Variants in PDE4D observed in about 807,000 individuals in gnomAD.
The protein encoded by PDE4D is phosphodiesterase 4D, also known as 3',5'-cyclic-AMP phosphodiesterase 4D.
A neutral mutation model predicts 87.4 loss-of-function variants in PDE4D; 24 were observed. The ratio of observed to expected loss-of-function variants is 0.27; its 90% CI spans 0.20 to 0.39. The LOEUF is 0.39. PDE4D is among the 10% of genes least tolerant of loss of function. The pLI is 1.00. For missense variants in PDE4D, 714 were observed against 1,041.0 expected (o/e 0.69, Z 4.32); for synonymous variants, 384 against 383.2 (o/e 1.00, Z -0.02).
At chr5:60,372,759 G>A (rs1561179242) in intron 1 of PDE4D, 1 of 152,180 alleles carries the variant, frequency 6.6e-6, no homozygotes, top group East Asian at 1.9e-4. Context: ...TTTCTTCCCT[G>A]GAAAATTAGA....
At chr5:60,206,648 T>A (rs190923419) in intron 1 of PDE4D, among the ~76,000 whole-genome samples, 1 of 152,226 alleles carries the variant, frequency 6.6e-6, no homozygotes, top group Admixed American at 6.5e-5. Context: ...ATAAAATGCA[T>A]AAAACTAATA....
At chr5:60,318,243 C>A (rs1755833590) in intron 1 of PDE4D, among the ~76,000 whole-genome samples, 1 of 152,150 alleles carries the variant, frequency 6.6e-6, no homozygotes. Context: ...ATGTAATGGG[C>A]TTCTTTGTCT....
chr5:60,295,072 G>A (rs539599821), intron 1 of PDE4D, among the ~76,000 whole-genome samples: 1 of 151,988 alleles, frequency 6.6e-6, no homozygotes, highest in Non-Finnish European at 1.5e-5. Context: ...TAAGAATTGT[G>A]CACATATTTC....
intron 5 of PDE4D, chr5:59,157,370 A>G (rs1780406328): frequency 1.4e-6 from 1 of 702,526 alleles, no homozygotes; most frequent in Non-Finnish European, 2.6e-6. Context: ...ATCCTAAGGA[A>G]AAAGACATTT....
chr5:59,587,133 G>A (rs1217589446), intron 1 of PDE4D: 1 of 370,350 alleles, frequency 2.7e-6, no homozygotes, highest in Non-Finnish European at 3.7e-6. Flanking sequence ...CATTTCTGCT[G>A]CCTAACCCCA....
At chr5:59,336,506 T>C (rs894521563) in intron 1 of PDE4D, among the ~76,000 whole-genome samples, 1 of 152,242 alleles carries the variant, frequency 6.6e-6, no homozygotes, top group Admixed American at 6.5e-5. Flanking sequence ...GTGTAATTAA[T>C]AAAAGTTTAG....
chr5:59,172,396 T>C, intron 5 of PDE4D, among the ~76,000 whole-genome samples: 1 of 140,370 alleles, frequency 7.1e-6, no homozygotes. Context: ...TAAATATATA[T>C]ATTTAAAGAG....
At chr5:59,499,809 A>C (rs1192173813) in intron 1 of PDE4D, among the ~76,000 whole-genome samples, 1 of 152,030 alleles carries the variant, frequency 6.6e-6, no homozygotes, top group Non-Finnish European at 1.5e-5. Flanking sequence ...ATAGCCCTGA[A>C]CCAAATGGAT....
intron 2 of PDE4D, among the ~76,000 whole-genome samples, chr5:60,087,709 A>G (rs1774684591): frequency 6.6e-6 from 1 of 152,120 alleles, no homozygotes. Context: ...AGAGAAGCAA[A>G]AGGAAAAAGA....
chr5:60,127,166 C>T (rs543465959), intron 2 of PDE4D, among the ~76,000 whole-genome samples: 1 of 151,966 alleles, frequency 6.6e-6, no homozygotes, highest in Non-Finnish European at 1.5e-5. Flanking sequence ...GGTGGAAAGT[C>T]GGTGTACAAG....
At chr5:60,319,641 T>G (rs904727541) in intron 1 of PDE4D, among the ~76,000 whole-genome samples, 3 of 152,206 alleles carry the variant, frequency 2.0e-5, no homozygotes, top group Non-Finnish European at 2.9e-5. Context: ...TTGATGATGG[T>G]GACGTACACA....
chr5:59,906,059 T>C (rs1216129334), intron 3 of PDE4D, among the ~76,000 whole-genome samples: 2 of 152,182 alleles, frequency 1.3e-5, no homozygotes, highest in Non-Finnish European at 2.9e-5. Context: ...CTATGTCAGA[T>C]GCTGCTGCAG....
chr5:60,507,402 T>C (rs1750371593), intron 1 of PDE4D, among the ~76,000 whole-genome samples: 1 of 152,196 alleles, frequency 6.6e-6, no homozygotes, highest in South Asian at 2.1e-4. Context: ...CTGTAATTCT[T>C]AGACACTTTG....
intron 1 of PDE4D, among the ~76,000 whole-genome samples, chr5:60,220,946 C>A (rs965301965): frequency 1.3e-5 from 2 of 151,966 alleles, no homozygotes; most frequent in African/African-American, 2.4e-5. Flanking sequence ...TTTTGGAAAC[C>A]CTAGCCCAAG....
intron 1 of PDE4D, among the ~76,000 whole-genome samples, chr5:60,361,732 G>A (rs922475635): frequency 1.3e-5 from 2 of 152,104 alleles, no homozygotes; most frequent in Non-Finnish European, 2.9e-5. Context: ...GTTTGAGATG[G>A]TGGATGCTCC....
intron 1 of PDE4D, among the ~76,000 whole-genome samples, chr5:60,477,266 T>C (rs1028144980): frequency 2.0e-5 from 3 of 152,140 alleles, no homozygotes; most frequent in African/African-American, 7.2e-5. Context: ...GGGATAGATA[T>C]GAATAAAACT....
chr5:59,486,087 A>AT (rs1277409082), intron 1 of PDE4D, among the ~76,000 whole-genome samples: 3 of 151,964 alleles, frequency 2.0e-5, no homozygotes, highest in Non-Finnish European at 2.9e-5. Flanking sequence ...GATATAAAAT[A>AT]TTTTTTCTGG....
chr5:59,673,233 C>T (rs1186531142), intron 1 of PDE4D, among the ~76,000 whole-genome samples: 2 of 152,170 alleles, frequency 1.3e-5, no homozygotes, highest in African/African-American at 4.8e-5. Context: ...AATTTATCTT[C>T]TTGGTTTGCA....
At chr5:60,120,817 A>T (rs1436967121) in intron 2 of PDE4D, among the ~76,000 whole-genome samples, 1 of 152,100 alleles carries the variant, frequency 6.6e-6, no homozygotes, top group Non-Finnish European at 1.5e-5. Flanking sequence ...GTTAACACTG[A>T]GTGTCAACTT....
Sources: allele counts gnomAD v4.1 joint callset (sites outside exome capture counted in the v4.1 genomes callset), GRCh38; gene constraint gnomAD v4.1.1; transcripts MANE v1.5; gene names NCBI Gene and HGNC (gene_info 2026-07-23, HGNC 2026-07-21).